PFKFB3: variants seen among roughly 807,000 people sequenced by gnomAD.
PFKFB3 encodes the protein 6-phosphofructo-2-kinase/fructose-2,6-biphosphatase 3.
PFKFB3 carries 33 observed loss-of-function variants against 68.0 expected under a neutral mutation model. The observed-to-expected ratio is 0.49, with a 90% CI of 0.37 to 0.65. The LOEUF (loss-of-function observed/expected upper bound fraction) is 0.65, where lower values mean the gene tolerates loss of function less well. Ranked by LOEUF, PFKFB3 falls within the 30% of genes least tolerant of loss-of-function variation. The probability of loss-of-function intolerance (pLI) is 0.00; values close to 1 mark genes in which losing one functional copy is unlikely to be tolerated. For synonymous variants in PFKFB3, 315 were observed against 288.2 expected, an observed-to-expected ratio of 1.09 and a Z score of -0.94; for missense variants, 586 against 712.2, an observed-to-expected ratio of 0.82 and a Z score of 2.02.
intron 14 of PFKFB3, among the ~76,000 whole-genome samples, chr10:6,241,908 C>T (rs1465135235): frequency 2.0e-5 from 3 of 150,040 alleles, no homozygotes; most frequent in African/African-American, 4.9e-5. Flanking sequence ...TGCAGTTGCA[C>T]AATTATAGCT....
rs183909619 is a variant in PFKFB3 at position 6,215,534 on chromosome 10, G to A, written c.299+217G>A. On this transcript the variant is annotated intron_variant, in intron 3 of 14. Transcript: ENST00000379775. The surrounding 1 kb of genome is among the most constrained non-coding windows in gnomAD (Gnocchi z 4.3). ...TAGGAGGCAGAGAAAGCCGGCCTGC[G>A]GGTGGGTCCTGCTGGTGGCTTCAGG... is the stretch of plus-strand genomic sequence containing the variant. Among the ~76,000 whole-genome samples the A allele has an allele frequency of 2.2e-3, 335 of 152,262 alleles. 5 individuals are homozygous for A. Among genetic ancestry groups the A allele is most frequent in the Non-Finnish European group, 2.9e-3 (197 of 68,014 alleles).
At chr10:6,153,000 T>C (rs896525983) in intron 1 of PFKFB3, among the ~76,000 whole-genome samples, 1 of 151,948 alleles carries the variant, frequency 6.6e-6, no homozygotes, top group African/African-American at 2.4e-5. Context: ...ATCAACATGG[T>C]GAAACCCCAT....
intron 1 of PFKFB3, among the ~76,000 whole-genome samples, chr10:6,206,990 A>G: frequency 6.7e-6 from 1 of 148,820 alleles, no homozygotes. Context: ...CACATCCCAG[A>G]CGATGGGTGG....
the PFKFB3 span, among the ~76,000 whole-genome samples, chr10:6,268,117 C>A: frequency 2.0e-5 from 3 of 152,106 alleles, no homozygotes; most frequent in Admixed American, 2.0e-4. Context: ...CCCCACGCCA[C>A]TTCCATGGTC....
chr10:6,294,026 A>G, the PFKFB3 span: 2 of 526,132 alleles, frequency 3.8e-6, no homozygotes, highest in Non-Finnish European at 7.7e-6. Flanking sequence ...TTCCAACATC[A>G]TTACCAGTTA....
At chr10:6,323,793 A>G in the PFKFB3 span, among the ~76,000 whole-genome samples, 2 of 152,320 alleles carry the variant, frequency 1.3e-5, no homozygotes, top group South Asian at 4.1e-4. Context: ...ATCGAAACCC[A>G]TGTGCATTGC....
intron 1 of PFKFB3, among the ~76,000 whole-genome samples, chr10:6,213,153 G>A (rs1455963121): frequency 6.6e-6 from 1 of 152,184 alleles, no homozygotes; most frequent in Non-Finnish European, 1.5e-5. Flanking sequence ...GAGGGACAGG[G>A]TGTGGCTGGG....
chr10:6,250,042 CT>C (rs1239791726), intron 14 of PFKFB3, among the ~76,000 whole-genome samples: 2 of 152,078 alleles, frequency 1.3e-5, no homozygotes, highest in Non-Finnish European at 1.5e-5. Context: ...GCTAAATCTC[CT>C]GGAAGCATAT....
At position 6,180,532 on chromosome 10, in the gene PFKFB3, G is replaced by A. The variant is rs377685042; in HGVS notation, c.17-33091G>A. Among the ~76,000 whole-genome samples the A allele has an allele frequency of 2.2e-4, 34 of 152,194 alleles. 1 individual carries two copies. In the South Asian group the frequency reaches 3.3e-3, roughly 15 times the overall value. ...CAAGCTGGAGTACAGTGGCTCAGCC[G>A]TGGCTCACTGCAGCCTCAAACTCCT... On this transcript the variant is annotated intron_variant, in intron 1 of 14. Coordinates refer to the PFKFB3 transcript ENST00000379789.
At chr10:6,198,074 C>T (rs995819618), upstream of PFKFB3, among the ~76,000 whole-genome samples, 2 of 151,794 alleles carry the variant, frequency 1.3e-5, no homozygotes, top group Non-Finnish European at 2.9e-5. Flanking sequence ...GAAATGCTGT[C>T]TCTACTAAAG....
Position 6,233,975 on chromosome 10 carries a change from A to C in PFKFB3, c.*1033A>C, listed in dbSNP as rs1845893487. On this transcript the variant is annotated 3_prime_UTR_variant, in exon 15 of 15. Coordinates refer to ENST00000379775, the MANE Select transcript of PFKFB3 (RefSeq NM_004566.4). The stretch of plus-strand genomic sequence containing the variant: ...CCACTTCTTCAAGAGCTGCCTGCAC[A>C]CTGTCTTGGAGCATCTGCCTTGTGC... 6.6e-6 allele frequency: 1 copy of C among 152,446 alleles called. No homozygotes were observed. Among genetic ancestry groups the C allele is most frequent in the Non-Finnish European group, 1.5e-5 (1 of 68,106 alleles). 9.4% of individuals were successfully genotyped at this position (152,446 alleles called of 1,614,324 possible).
chr10:6,296,227 T>C, the PFKFB3 span, among the ~76,000 whole-genome samples: 26 of 152,110 alleles, frequency 1.7e-4, no homozygotes, highest in African/African-American at 5.8e-4. Context: ...CTTTTCTTTT[T>C]TTTTTTAAGT....
chr10:6,309,561 G>T, the PFKFB3 span, among the ~76,000 whole-genome samples: 2 of 152,212 alleles, frequency 1.3e-5, no homozygotes, highest in Admixed American at 6.5e-5. Context: ...GGTGGAGGTT[G>T]CAGTGAGCTG....
At chr10:6,310,843 T>C in the PFKFB3 span, among the ~76,000 whole-genome samples, 1 of 152,222 alleles carries the variant, frequency 6.6e-6, no homozygotes, top group Non-Finnish European at 1.5e-5. Context: ...AAGAAAGAGA[T>C]AAGTGATAGA....
the PFKFB3 span, among the ~76,000 whole-genome samples, chr10:6,291,163 A>T: frequency 6.6e-6 from 1 of 152,346 alleles, no homozygotes; most frequent in Admixed American, 6.5e-5. Context: ...CTAGAAAAAT[A>T]TTCTAAAACC....
the PFKFB3 span, chr10:6,277,691 G>T: frequency 2.8e-6 from 1 of 356,338 alleles, no homozygotes; most frequent in Non-Finnish European, 5.6e-6. Flanking sequence ...TGCCATGATT[G>T]TAAGTTTCCT....
chr10:6,188,575 T>C (rs1842934501), intron 1 of PFKFB3, among the ~76,000 whole-genome samples: 1 of 152,038 alleles, frequency 6.6e-6, no homozygotes, highest in African/African-American at 2.4e-5. Flanking sequence ...CACGCCATTG[T>C]GCAATAGATC....
the PFKFB3 span, among the ~76,000 whole-genome samples, chr10:6,282,361 T>C: frequency 1.3e-5 from 2 of 152,166 alleles, no homozygotes; most frequent in East Asian, 3.8e-4. Context: ...TAACATACCC[T>C]TGGGCGGCTC....
chr10:6,155,194 C>A (rs907631049), intron 1 of PFKFB3, among the ~76,000 whole-genome samples: 3 of 135,094 alleles, frequency 2.2e-5, no homozygotes, highest in Non-Finnish European at 4.8e-5. Context: ...AAAGCACTTA[C>A]GAGTTTTTTT....
Sources: allele counts gnomAD v4.1 joint callset (sites outside exome capture counted in the v4.1 genomes callset), GRCh38; gene constraint gnomAD v4.1.1; non-coding constraint Gnocchi (gnomAD v3.1); transcripts MANE v1.5; gene names NCBI Gene and HGNC (gene_info 2026-07-23, HGNC 2026-07-21).